The following ATAD2 variants were observed in gnomAD, a reference collection of about 807,000 sequenced individuals.
The protein encoded by ATAD2 is ATPase family AAA domain-containing protein 2.
A neutral mutation model predicts 168.9 loss-of-function variants in ATAD2; 62 were observed. That is an observed-to-expected ratio of 0.37 (90% CI 0.30 to 0.45). ATAD2 has a LOEUF of 0.45. Ranked by LOEUF, ATAD2 falls within the 20% of genes least tolerant of loss-of-function variation. The pLI is 1.00. For missense variants in ATAD2, 1,419 were observed against 1,667.8 expected, an observed-to-expected ratio of 0.85 and a Z score of 2.60; for synonymous variants, 613 against 571.6, an observed-to-expected ratio of 1.07 and a Z score of -1.03.
chr8:123,361,128 C>A (rs1302066347), intron 9 of ATAD2, among the ~76,000 whole-genome samples: 1 of 151,670 alleles, frequency 6.6e-6, no homozygotes, highest in Admixed American at 6.6e-5. Context: ...ACCAGCCTGG[C>A]CAACATGGCG....
Position 123,404,557 on chromosome 8 carries a change from TTCTC to T in ATAD2, c.-2281-3386_-2281-3383del, listed in dbSNP as rs144620389. Among the ~76,000 whole-genome samples the T allele has an allele frequency of 9.1e-3, 1,371 of 151,490 alleles. 6 individuals are homozygous for T. The highest frequency in any genetic ancestry group is 0.021 in the African/African-American group (860 of 41,188). On this transcript the variant is annotated intron_variant, in intron 1 of 28. Coordinates refer to the ATAD2 transcript ENST00000521903. ...GCTTGTACTCAAGTCTCTCCCCACT[TTCTC>T]TCTCTTTTTTTTTTTTTTCTTTTGA...
chr8:123,355,914 G>A (rs1296448134), intron 13 of ATAD2, among the ~76,000 whole-genome samples: 1 of 151,932 alleles, frequency 6.6e-6, no homozygotes, highest in Non-Finnish European at 1.5e-5. Context: ...ACTGACACTC[G>A]GAGCAGGTTT....
In ATAD2 at chr8:123,347,290, T is replaced by C. The variant is rs1828280357; in HGVS notation, c.2014A>G (p.Ile672Val). Residue 672 changes from isoleucine to valine, a missense_variant, in exon 16 of 28, where the codon ATT becomes GTT. By Grantham distance (29) the Ile-to-Val change is conservative. Around this residue, in one of 5 missense-constraint regions of ATAD2, gnomAD observed 545 missense variants for 724.9 expected, o/e 0.75. Transcript: ENST00000287394. ...SEKLQLDLSS[I>V]NISAKDFEVA... ...TCGAAATCCTTAGCTGAGATATTAA[T>C]TGAAGAGAGATCCAACTGCAGTTTC... The C allele has an allele frequency of 1.2e-6, 2 of 1,613,964 alleles. No homozygotes were observed. The highest frequency in any genetic ancestry group is 1.1e-5 in the South Asian group (1 of 91,092).
intron 25 of ATAD2, 58 bp downstream of exon 25, chr8:123,328,132 T>G (rs1827663019): frequency 7.7e-7 from 1 of 1,295,164 alleles, no homozygotes. Flanking sequence ...ATTAGGTGTT[T>G]AGAAACTTTG....
chr8:123,377,079 G>A (rs1261378703), intron 2 of ATAD2, among the ~76,000 whole-genome samples: 3 of 36,246 alleles, frequency 8.3e-5, no homozygotes, highest in Admixed American at 3.8e-4. Flanking sequence ...CAAAAAGAGT[G>A]AGACTCCGTC....
In ATAD2 at chr8:123,377,091, CAAA is replaced by C. The variant is rs58655606; in HGVS notation, c.320+3435_320+3437del. ...GGGCAAAAAGAGTGAGACTCCGTCT[CAAA>C]AAAAAAAAAAAAAAAAAAGAGCCAG... On this transcript the variant is annotated intron_variant, in intron 2 of 27. Coordinates refer to ENST00000287394, the MANE Select transcript of ATAD2 (RefSeq NM_014109.4). Among the ~76,000 whole-genome samples, 22 of 27,256 alleles carry C rather than the reference CAAA, an allele frequency of 8.1e-4. No homozygotes were observed. In the East Asian group the frequency reaches 0.017, roughly 22 times the overall value. The allele number at this position is 27,256 out of a possible 152,430, so 17.9% of individuals were successfully genotyped here.
At chr8:123,372,848 C>T (rs1383353117) in intron 2 of ATAD2, among the ~76,000 whole-genome samples, 162 bp from the exon 3 acceptor site, 1 of 151,928 alleles carries the variant, frequency 6.6e-6, no homozygotes, top group Admixed American at 6.6e-5. Context: ...CCCACCTCAG[C>T]CTCCCCAGTA....
upstream of ATAD2, among the ~76,000 whole-genome samples, chr8:123,399,172 G>T (rs1023806476): frequency 6.6e-6 from 1 of 151,900 alleles, no homozygotes; most frequent in Non-Finnish European, 1.5e-5. Flanking sequence ...TGAGGCAGGG[G>T]GATTGCTTGA....
intron 12 of ATAD2, among the ~76,000 whole-genome samples, chr8:123,357,320 T>C (rs1476771594): frequency 6.6e-6 from 1 of 152,212 alleles, no homozygotes; most frequent in Admixed American, 6.5e-5. Context: ...TCTCTTCCTA[T>C]ATGCATGAGA....
upstream of ATAD2, chr8:123,400,578 G>A (rs1384393148): frequency 1.9e-6 from 1 of 529,770 alleles, no homozygotes; most frequent in East Asian, 4.3e-5. This position sits in a 1 kb window ranked among gnomAD's most constrained non-coding sequence, Gnocchi z 4.5. Flanking sequence ...CTGGCAGCCT[G>A]ACAGACTACC....
At chr8:123,389,986 T>TA (rs58743148) in intron 1 of ATAD2, among the ~76,000 whole-genome samples, 2,973 of 67,450 alleles carry the variant, frequency 0.044, 64 homozygotes, top group African/African-American at 0.075. Flanking sequence ...ATATATATAT[T>TA]TTTTTTTTTT....
chr8:123,403,873 C>T (rs530702548), intron 1 of ATAD2, among the ~76,000 whole-genome samples: 1 of 152,216 alleles, frequency 6.6e-6, no homozygotes, highest in South Asian at 2.1e-4. Context: ...AGGACTTTGT[C>T]TAGGTGTGCT....
In ATAD2 at chr8:123,402,064, G is replaced by A. The variant is rs1336047072; in HGVS notation, c.-2281-889C>T. On this transcript the variant is annotated intron_variant, in intron 1 of 28. Transcript: ENST00000521903. The surrounding 1 kb of genome is among the most constrained non-coding windows in gnomAD (Gnocchi z 4.8). ...AGCGTACCATGTCGGCCCAGATTGA[G>A]GGTGGCGTCCATGGCCTGCACTCTT... is the stretch of plus-strand genomic sequence containing the variant. 2.7e-6 allele frequency: 4 copies of A among 1,484,510 alleles called. No homozygotes were observed. Among genetic ancestry groups the A allele is most frequent in the Middle Eastern group, 2.3e-4 (1 of 4,356 alleles). 92.0% of individuals were successfully genotyped at this position (1,484,510 alleles called of 1,614,324 possible).
At chr8:123,346,478 C>T in intron 17 of ATAD2, 140 bp downstream of exon 17, 4 of 1,033,492 alleles carry the variant, frequency 3.9e-6, no homozygotes, top group Middle Eastern at 6.5e-4. Flanking sequence ...GTTGTGACAA[C>T]TGTAACAACA....
intron 25 of ATAD2, among the ~76,000 whole-genome samples, chr8:123,327,533 CTTA>C (rs1274568254): frequency 6.6e-6 from 1 of 151,630 alleles, no homozygotes; most frequent in Non-Finnish European, 1.5e-5. Flanking sequence ...AGTCCATTAA[CTTA>C]GTCAATGCTT....
At chr8:123,375,231 G>A (rs1829270248) in intron 2 of ATAD2, among the ~76,000 whole-genome samples, 1 of 152,146 alleles carries the variant, frequency 6.6e-6, no homozygotes, top group Admixed American at 6.5e-5. Context: ...TTTTGTACAG[G>A]AAATCTTCTT....
intron 27 of ATAD2, among the ~76,000 whole-genome samples, chr8:123,322,562 G>C (rs1285238996): frequency 6.6e-6 from 1 of 152,104 alleles, no homozygotes; most frequent in Non-Finnish European, 1.5e-5. Context: ...CCAGCTACTT[G>C]GGAGGCTGAG....
chr8:123,353,685 C>A (rs966793800), intron 13 of ATAD2, among the ~76,000 whole-genome samples: 1 of 152,048 alleles, frequency 6.6e-6, no homozygotes, highest in Admixed American at 6.6e-5. Context: ...AGACCACACT[C>A]AGGGATGGAC....
At chr8:123,398,467 G>A (rs1011765379), upstream of ATAD2, among the ~76,000 whole-genome samples, 1 of 151,826 alleles carries the variant, frequency 6.6e-6, no homozygotes, top group South Asian at 2.1e-4. Context: ...CTGACCTCAG[G>A]TGATCCACCT....
Sources: gnomAD v4.1 joint callset for allele counts (sites outside exome capture counted in the v4.1 genomes callset) on GRCh38, gnomAD v4.1.1 for gene constraint, gnomAD v4.1.1 regional missense constraint, Gnocchi (gnomAD v3.1) non-coding constraint, MANE v1.5 for transcripts, NCBI Gene and HGNC (gene_info 2026-07-23, HGNC 2026-07-21) for gene names.